Variants in STK3 observed in about 807,000 individuals in gnomAD.
STK3 encodes serine/threonine-protein kinase 3.
STK3 carries 41 observed loss-of-function variants against 58.0 expected under a neutral mutation model. The observed-to-expected ratio is 0.71, with a 90% CI of 0.55 to 0.92. STK3 has a LOEUF of 0.92. Ranked by LOEUF, STK3 falls within the 40% of genes least tolerant of loss-of-function variation. The pLI is 0.00. For synonymous variants in STK3, 170 were observed against 191.0 expected (o/e 0.89, Z 0.91); for missense variants, 479 against 602.7 (o/e 0.79, Z 2.15).
intron 7 of STK3, among the ~76,000 whole-genome samples, chr8:98,590,329 G>A (rs573248177): frequency 2.6e-5 from 4 of 152,192 alleles, no homozygotes; most frequent in South Asian, 2.1e-4. Context: ...TTCTTCCACC[G>A]TAAGAGTTAC....
At chr8:98,710,723 T>C (rs1235415162) in intron 4 of STK3, among the ~76,000 whole-genome samples, 3 of 152,160 alleles carry the variant, frequency 2.0e-5, no homozygotes, top group African/African-American at 7.2e-5. Context: ...GGGCAGGGCA[T>C]AGCCAAACAA....
intron 6 of STK3, among the ~76,000 whole-genome samples, chr8:98,616,968 G>A (rs1028520826): frequency 4.6e-5 from 7 of 152,090 alleles, no homozygotes; most frequent in African/African-American, 1.7e-4. Context: ...GGACCTAATA[G>A]ACATCTACAG....
intron 6 of STK3, among the ~76,000 whole-genome samples, chr8:98,626,394 T>G (rs1818718269): frequency 1.3e-5 from 2 of 152,254 alleles, no homozygotes; most frequent in African/African-American, 4.8e-5. Flanking sequence ...GTCTCCTGTT[T>G]TGGTAAATAA....
At chr8:98,374,964 G>T (rs1281201563) in intron 2 of STK3, among the ~76,000 whole-genome samples, 1 of 152,080 alleles carries the variant, frequency 6.6e-6, no homozygotes, top group African/African-American at 2.4e-5. Flanking sequence ...ATTAGGCTGG[G>T]CATGATGGCT....
intron 3 of STK3, among the ~76,000 whole-genome samples, chr8:98,754,807 C>CA (rs748096060): frequency 6.6e-6 from 1 of 150,744 alleles, no homozygotes; most frequent in African/African-American, 2.4e-5. Flanking sequence ...ACCATGCCCG[C>CA]CAAAAAAAAA....
chr8:98,619,248 A>C (rs1281098232), intron 6 of STK3, among the ~76,000 whole-genome samples: 2 of 149,806 alleles, frequency 1.3e-5, no homozygotes, highest in Non-Finnish European at 3.0e-5. Context: ...GTGCTGGGAA[A>C]ACTGGCTAGC....
intron 3 of STK3, among the ~76,000 whole-genome samples, chr8:98,423,427 A>C (rs1818194704): frequency 6.6e-6 from 1 of 152,236 alleles, no homozygotes; most frequent in Admixed American, 6.5e-5. Context: ...CTGGTGGAGA[A>C]GAGAGCAGTG....
chr8:98,758,067 T>A (rs888616719), intron 3 of STK3, among the ~76,000 whole-genome samples: 1 of 152,242 alleles, frequency 6.6e-6, no homozygotes, highest in Non-Finnish European at 1.5e-5. Flanking sequence ...AACACTCTAG[T>A]GTTATATACA....
intron 1 of STK3, among the ~76,000 whole-genome samples, chr8:98,812,470 G>C (rs925777890): frequency 6.6e-6 from 1 of 152,212 alleles, no homozygotes; most frequent in Non-Finnish European, 1.5e-5. Context: ...CATTGTGGAA[G>C]ACTGTGTGGC....
intron 1 of STK3, among the ~76,000 whole-genome samples, chr8:98,884,827 G>A (rs1735872989): frequency 6.6e-6 from 1 of 152,150 alleles, no homozygotes. Context: ...TATATTCCCA[G>A]TACCTAAAAT....
At chr8:98,704,085 A>C (rs1396094842) in intron 6 of STK3, among the ~76,000 whole-genome samples, 1 of 152,260 alleles carries the variant, frequency 6.6e-6, no homozygotes, top group Non-Finnish European at 1.5e-5. Flanking sequence ...CTGAGCTGCA[A>C]GCTAAATAAA....
the STK3 span, among the ~76,000 whole-genome samples, chr8:98,351,824 G>T: frequency 6.4e-4 from 97 of 152,302 alleles, no homozygotes; most frequent in Non-Finnish European, 2.9e-5. Flanking sequence ...GTGTCCAAGA[G>T]GAACAATTTG....
At chr8:98,734,424 T>C (rs905444259) in intron 4 of STK3, among the ~76,000 whole-genome samples, 4 of 152,198 alleles carry the variant, frequency 2.6e-5, no homozygotes, top group African/African-American at 7.2e-5. Context: ...GTTTCTCCTA[T>C]ACTAGGTTGA....
chr8:98,732,981 T>C (rs1241111213), intron 4 of STK3, among the ~76,000 whole-genome samples: 1 of 152,196 alleles, frequency 6.6e-6, no homozygotes. Context: ...GAGTAATTAA[T>C]TGTGAGAAAA....
chr8:98,361,930 A>C, the STK3 span, among the ~76,000 whole-genome samples: 2 of 152,118 alleles, frequency 1.3e-5, no homozygotes, highest in African/African-American at 4.8e-5. Context: ...AGCCAGTCCC[A>C]AGGGTTTGGT....
intron 4 of STK3, among the ~76,000 whole-genome samples, chr8:98,739,255 C>A (rs548397107): frequency 4.6e-5 from 7 of 152,318 alleles, no homozygotes; most frequent in Admixed American, 2.6e-4. Context: ...TCTCCCAGCA[C>A]GCAGCTGGAG....
At chr8:98,904,685 G>C in intron 1 of STK3, 1 of 713,796 alleles carries the variant, frequency 1.4e-6, no homozygotes, top group Non-Finnish European at 2.5e-6. Context: ...AGCTGCTGAA[G>C]CCTGAAATAA....
chr8:98,856,108 T>C (rs2131840324), intron 3 of STK3, among the ~76,000 whole-genome samples: 1 of 120,490 alleles, frequency 8.3e-6, no homozygotes, highest in East Asian at 2.7e-4. Flanking sequence ...TGGGCCGAGA[T>C]CACACCACTG....
intron 10 of STK3, among the ~76,000 whole-genome samples, chr8:98,511,062 G>A (rs1824475379): frequency 6.6e-6 from 1 of 151,918 alleles, no homozygotes; most frequent in South Asian, 2.1e-4. Context: ...CTTAAACCAA[G>A]TAATCCTAAA....
Sources: gnomAD v4.1 joint callset for allele counts (sites outside exome capture counted in the v4.1 genomes callset) on GRCh38, gnomAD v4.1.1 for gene constraint, MANE v1.5 for transcripts, NCBI Gene and HGNC (gene_info 2026-07-23, HGNC 2026-07-21) for gene names.